ESR2: variants seen among roughly 807,000 people sequenced by gnomAD.
ESR2 encodes the protein estrogen receptor beta.
In ESR2, 36 loss-of-function variants were observed where a neutral mutation model predicts 49.6. That is an observed-to-expected ratio of 0.73 (90% confidence interval 0.56 to 0.96). ESR2 has a LOEUF of 0.96. Among genes scored for constraint, ESR2 ranks in the 40% least tolerant of loss-of-function variants. The probability of loss-of-function intolerance (pLI) is 0.00; values close to 1 mark genes in which losing one functional copy is unlikely to be tolerated. For synonymous variants in ESR2, 320 were observed against 266.1 expected (o/e 1.20, Z -1.97); for missense variants, 714 against 693.0 (o/e 1.03, Z -0.34).
At chr14:64,251,249 G>A (rs1398954795) in intron 6 of ESR2, among the ~76,000 whole-genome samples, 2 of 149,822 alleles carry the variant, frequency 1.3e-5, no homozygotes, top group Non-Finnish European at 3.0e-5. Context: ...AATTGTAACT[G>A]TTGGACTTGG....
At chr14:64,328,577 G>A (rs535304685) in intron 1 of ESR2, among the ~76,000 whole-genome samples, 27 of 152,264 alleles carry the variant, frequency 1.8e-4, no homozygotes, top group East Asian at 5.8e-4. Context: ...CATCACACAC[G>A]GTATCTCAGT....
At chr14:64,248,619 T>G (rs558916100) in intron 7 of ESR2, among the ~76,000 whole-genome samples, 1 of 152,320 alleles carries the variant, frequency 6.6e-6, no homozygotes, top group East Asian at 1.9e-4. Flanking sequence ...CTTGTATGTT[T>G]TTCTCATTTG....
At chr14:64,318,435 G>C (rs1269268262) in intron 1 of ESR2, among the ~76,000 whole-genome samples, 1 of 146,698 alleles carries the variant, frequency 6.8e-6, no homozygotes, top group Non-Finnish European at 1.5e-5. Flanking sequence ...TACTTGGGAG[G>C]CTTAGGCAGG....
chr14:64,301,271 A>G (rs942263589), intron 1 of ESR2: 1 of 152,216 alleles, frequency 6.6e-6, no homozygotes, highest in East Asian at 1.9e-4. Flanking sequence ...TAATGGTGGC[A>G]ATCAGGAATT....
chr14:64,268,778 G>C lies in ESR2; in HGVS notation c.652+17C>G. The C allele has an allele frequency of 6.8e-7, 1 of 1,473,138 alleles. No homozygotes were observed. The allele number at this position is 1,473,138 out of a possible 1,614,324, so 91.3% of individuals were successfully genotyped here. ...TAGCAAGGCCCATATTCAATAAGAA[G>C]GGAAGCAAGCACTCACCACACTTCA... is the stretch of plus-strand genomic sequence containing the variant. On this transcript the variant is annotated intron_variant, in intron 4 of 8. Coordinates refer to ENST00000341099, the MANE Select transcript of ESR2 (RefSeq NM_001437.3).
chr14:64,264,876 CAAA>C (rs5809224), intron 4 of ESR2, among the ~76,000 whole-genome samples: 2 of 119,318 alleles, frequency 1.7e-5, no homozygotes, highest in Non-Finnish European at 3.6e-5. Flanking sequence ...TACCCTGTCT[CAAA>C]AAAAAAAAAA....
intron 1 of ESR2, among the ~76,000 whole-genome samples, chr14:64,287,647 A>G (rs1235506477): frequency 1.3e-5 from 2 of 152,214 alleles, no homozygotes; most frequent in Non-Finnish European, 2.9e-5. Flanking sequence ...AGAAATGATG[A>G]ACTTACACCA....
At chr14:64,317,426 G>A (rs1057311064) in intron 1 of ESR2, among the ~76,000 whole-genome samples, 1 of 152,210 alleles carries the variant, frequency 6.6e-6, no homozygotes, top group African/African-American at 2.4e-5. Context: ...AGAAGGTGAA[G>A]GGGGAGCCCA....
Position 64,260,131 on chromosome 14 carries a change from G to A in ESR2, c.952+318C>T, listed in dbSNP as rs748563648. The stretch of plus-strand genomic sequence containing the variant: ...ATAGGGTTTGTGCAAGGTGGTATGG[G>A]ATGCATCTAGCCATGGGAAAAGAAG... On this transcript the variant is annotated intron_variant, in intron 5 of 8. Transcript: ENST00000341099. 5 of 567,560 alleles carry A rather than the reference G, an allele frequency of 8.8e-6. No homozygotes were observed. The East Asian group carries it at 1.7e-4, about 19-fold the overall frequency. The allele number at this position is 567,560 out of a possible 1,614,324, so 35.2% of individuals were successfully genotyped here.
chr14:64,280,885 C>T (rs1469795869), intron 2 of ESR2, among the ~76,000 whole-genome samples: 1 of 152,154 alleles, frequency 6.6e-6, no homozygotes, highest in Non-Finnish European at 1.5e-5. Flanking sequence ...TGGTGCACAC[C>T]TGTAATCCCA....
intron 1 of ESR2, among the ~76,000 whole-genome samples, chr14:64,288,045 T>G (rs1013397781): frequency 2.0e-5 from 3 of 152,188 alleles, no homozygotes; most frequent in Non-Finnish European, 2.9e-5. Flanking sequence ...CACCATAACC[T>G]AAAATAGTTG....
intron 6 of ESR2, among the ~76,000 whole-genome samples, chr14:64,255,251 C>A (rs962222694): frequency 6.6e-6 from 1 of 151,982 alleles, no homozygotes; most frequent in African/African-American, 2.4e-5. Context: ...GGAATGTGTT[C>A]CTAGGACTAA....
intron 6 of ESR2, among the ~76,000 whole-genome samples, chr14:64,253,968 G>C (rs191241817): frequency 1.3e-5 from 2 of 152,066 alleles, no homozygotes; most frequent in South Asian, 2.1e-4. Flanking sequence ...AGACAGTCAG[G>C]TTCTTTAGAT....
In ESR2 at chr14:64,306,453, GACAA is replaced by G. The variant is rs1290907944; in HGVS notation, c.-90-23382_-90-23379del. Reference sequence around the variant, plus strand: ...TTCAAGGACTTGGAAACCAGAAAAAGACAAACAAAGGGCCCCTATACCTAGTTTG... The same window carrying G: ...TTCAAGGACTTGGAAACCAGAAAAAGACAAAGGGCCCCTATACCTAGTTTG... On this transcript the variant is annotated intron_variant, in intron 1 of 8. Transcript: ENST00000358599. Among the ~76,000 whole-genome samples the G allele has an allele frequency of 2.6e-5, 4 of 152,268 alleles. No homozygotes were observed. The South Asian group carries it at 6.2e-4, about 24-fold the overall frequency.
chr14:64,312,060 T>G (rs2077193608), intron 1 of ESR2, among the ~76,000 whole-genome samples: 1 of 152,064 alleles, frequency 6.6e-6, no homozygotes, highest in African/African-American at 2.4e-5. Flanking sequence ...ATAGCTAAGA[T>G]AATTATATAA....
At chr14:64,252,856 C>A (rs1029588999) in intron 6 of ESR2, among the ~76,000 whole-genome samples, 2 of 151,826 alleles carry the variant, frequency 1.3e-5, no homozygotes, top group African/African-American at 2.4e-5. Context: ...TATTACTTGA[C>A]AATCACTTTT....
chr14:64,262,890 G>A (rs1322339763), intron 4 of ESR2, among the ~76,000 whole-genome samples: 2 of 152,146 alleles, frequency 1.3e-5, no homozygotes, highest in East Asian at 1.9e-4. Flanking sequence ...CAGCCTGGGT[G>A]ACACAGCGAG....
At chr14:64,277,875 G>A (rs184186529) in intron 3 of ESR2, among the ~76,000 whole-genome samples, 135 of 151,712 alleles carry the variant, frequency 8.9e-4, no homozygotes, top group African/African-American at 3.2e-3. Flanking sequence ...CAGGAAGGAA[G>A]AAACAACATA....
chr14:64,255,392 G>A (rs2076078707), intron 6 of ESR2, among the ~76,000 whole-genome samples: 1 of 152,066 alleles, frequency 6.6e-6, no homozygotes, highest in Admixed American at 6.6e-5. Context: ...CCTGCCTTGC[G>A]ACATGGTACC....
Sources: gnomAD v4.1 joint callset for allele counts (sites outside exome capture counted in the v4.1 genomes callset) on GRCh38, gnomAD v4.1.1 for gene constraint, MANE v1.5 for transcripts, NCBI Gene and HGNC (gene_info 2026-07-23, HGNC 2026-07-21) for gene names.